The following MAP6 variants were observed in gnomAD, a reference collection of about 807,000 sequenced individuals.
MAP6 encodes microtubule-associated protein 6.
Under a neutral mutation model 42.4 loss-of-function variants are expected in MAP6, and 26 were observed. The observed-to-expected ratio is 0.61, with a 90% CI of 0.45 to 0.85. The LOEUF is 0.85. Ranked by LOEUF, MAP6 falls within the 40% of genes least tolerant of loss-of-function variation. The probability of loss-of-function intolerance (pLI) is 0.00; values close to 1 mark genes in which losing one functional copy is unlikely to be tolerated. For synonymous variants in MAP6, 418 were observed against 443.8 expected, an observed-to-expected ratio of 0.94 and a Z score of 0.73; for missense variants, 966 against 1,099.0, an observed-to-expected ratio of 0.88 and a Z score of 1.71.
intron 3 of MAP6, chr11:75,604,674 T>C: frequency 1.0e-6 from 1 of 985,372 alleles, no homozygotes; most frequent in East Asian, 1.1e-4. Context: ...CTTGCCACCC[T>C]TGGGGGCTTT....
intron 1 of MAP6, among the ~76,000 whole-genome samples, chr11:75,621,847 A>C (rs1367087785): frequency 6.6e-6 from 1 of 152,112 alleles, no homozygotes; most frequent in Non-Finnish European, 1.5e-5. Context: ...ACACGGGGAA[A>C]CCTCGTCTCT....
chr11:75,622,478 T>C lies in MAP6; in HGVS notation c.906-14156A>G, dbSNP rs1328980905. Among the ~76,000 whole-genome samples, 10 of 152,254 alleles carry C rather than the reference T, an allele frequency of 6.6e-5. No homozygotes were observed. In the East Asian group the frequency reaches 7.7e-4, roughly 12 times the overall value. On this transcript the variant is annotated intron_variant, in intron 1 of 3. Coordinates refer to ENST00000304771, the MANE Select transcript of MAP6 (RefSeq NM_033063.2). ...AACTACATAATGCTGCTGAGAGAGA[T>C]TGAAGAAATATTATAAATAAAGAGA...
At chr11:75,598,334 A>T (rs1478895174) in intron 3 of MAP6, among the ~76,000 whole-genome samples, 1 of 152,184 alleles carries the variant, frequency 6.6e-6, no homozygotes, top group East Asian at 1.9e-4. Flanking sequence ...CATGCCTGTG[A>T]AATGTGTGGT....
rs1318532049 is a variant in MAP6, at chr11:75,587,488, A to T, written c.2013T>A (p.Asn671Lys). 3 of 1,614,094 alleles carry T rather than the reference A, an allele frequency of 1.9e-6. No homozygotes were observed. The highest frequency in any genetic ancestry group is 1.7e-6 in the Non-Finnish European group (2 of 1,180,006). The part of the protein sequence containing the change: ...QGSMVSEPVK[N>K]QGLVVSGPVK... ...CTGGCCCTGAGACCACTAAACCTTG[A>T]TTCTTTACAGGCTCAGAGACCATGG... The change falls in exon 4 of 4, where the codon AAT (asparagine) becomes AAA (lysine). Residue 671 changes from asparagine to lysine, a missense_variant. Asn to Lys is a moderately conservative substitution (Grantham distance 94). This residue lies in a region of MAP6 where 943 missense variants were observed against 1,049.9 expected (regional missense o/e 0.90). Transcript: ENST00000304771.
chr11:75,596,712 C>G (rs1240822709), intron 3 of MAP6: 2 of 152,400 alleles, frequency 1.3e-5, no homozygotes, highest in African/African-American at 4.8e-5. Flanking sequence ...GCTCATCACA[C>G]AGAAACACCA....
At chr11:75,624,857 T>C (rs1943170016) in intron 1 of MAP6, among the ~76,000 whole-genome samples, 1 of 152,188 alleles carries the variant, frequency 6.6e-6, no homozygotes, top group South Asian at 2.1e-4. Context: ...CAGCAGGTGC[T>C]CAGCCTACAT....
chr11:75,635,922 T>C (rs934064183), intron 1 of MAP6: 2 of 152,220 alleles, frequency 1.3e-5, no homozygotes, highest in African/African-American at 2.4e-5. Flanking sequence ...AAAACCTCTT[T>C]ACCCAAGTGT....
intron 1 of MAP6, among the ~76,000 whole-genome samples, chr11:75,626,786 T>C (rs769591167): frequency 2.0e-5 from 3 of 152,168 alleles, no homozygotes; most frequent in Admixed American, 6.5e-5. Context: ...GTTACTCATC[T>C]AGGGCCTCAG....
chr11:75,630,808 T>C (rs12275991), intron 1 of MAP6, among the ~76,000 whole-genome samples: 1 of 152,232 alleles, frequency 6.6e-6, no homozygotes, highest in African/African-American at 2.4e-5. Context: ...TAAAAGGTAA[T>C]GATTCAAGTG....
Position 75,667,914 on chromosome 11 carries a change from G to T in MAP6, c.456C>A (p.Arg152=). 1 of 1,416,788 alleles carries T rather than the reference G, an allele frequency of 7.1e-7. No individual in the cohort carries two copies. The allele number at this position is 1,416,788 out of a possible 1,614,324, so 87.8% of individuals were successfully genotyped here. The change falls in exon 1 of 4, where the codon CGC becomes CGA. Residue 152 remains arginine, a synonymous_variant. Coordinates refer to ENST00000304771, the MANE Select transcript of MAP6 (RefSeq NM_033063.2). This position sits in a 1 kb window ranked among gnomAD's most constrained non-coding sequence, Gnocchi z 5.6. The stretch of plus-strand genomic sequence containing the variant: ...GGAAGTCCTTCTGGTACTGGGTCTC[G>T]CGCTCGAAGGGAGCGTCGGAGGGCT... ...EYQPSDAPFE[R]ETQYQKDFRA... is the part of the protein sequence containing the mutation.
rs755430147 is a variant in MAP6, at chr11:75,608,116, G to C, written c.1112C>G (p.Pro371Arg). The C allele has an allele frequency of 1.9e-6, 3 of 1,613,686 alleles. No individual in the cohort carries two copies. The highest frequency in any genetic ancestry group is 1.7e-5 in the Admixed American group (1 of 60,028). Residue 371 changes from proline to arginine, a missense_variant, in exon 2 of 4, where the codon CCC becomes CGC. This residue lies in a region of MAP6 where 943 missense variants were observed against 1,049.9 expected (regional missense o/e 0.90). Transcript: ENST00000304771. ...CCACAAGGTCTGTCTCACCTTTGGG[G>C]GTTCCTTGAAGGGTTCGCTGTAGAG... Reference protein sequence around the residue: ...RSLYSEPFKEPPKVEKPSVQS... With the variant: ...RSLYSEPFKERPKVEKPSVQS...
intron 1 of MAP6, among the ~76,000 whole-genome samples, chr11:75,619,363 A>G (rs533957572): frequency 6.6e-6 from 1 of 152,054 alleles, no homozygotes; most frequent in South Asian, 2.1e-4. Context: ...TATCTTTTTT[A>G]TTTGTTATTT....
In MAP6 at chr11:75,587,092, G is replaced by A. The variant is rs774524823; in HGVS notation, c.2409C>T (p.Ala803=). ...SPLPRVMIPT[A]PHTEYIESSP ...AGCTCTCAATGTATTCCGTATGGGG[G>A]GCAGTTGGGATCATGACTCGGGGTA... Residue 803 remains alanine, a synonymous_variant, in exon 4 of 4, where the codon GCC becomes GCT. Transcript: ENST00000304771. 1 of 1,606,276 alleles carries A rather than the reference G, an allele frequency of 6.2e-7. No homozygotes were observed. Among genetic ancestry groups the A allele is most frequent in the Non-Finnish European group, 8.5e-7 (1 of 1,174,502 alleles).
chr11:75,640,774 C>T (rs893229893), intron 1 of MAP6, among the ~76,000 whole-genome samples: 2 of 152,128 alleles, frequency 1.3e-5, no homozygotes, highest in African/African-American at 2.4e-5. Context: ...CAAATCAAAA[C>T]CGCAATGAGA....
chr11:75,631,279 C>T (rs1057272295), intron 1 of MAP6, among the ~76,000 whole-genome samples: 1 of 152,170 alleles, frequency 6.6e-6, no homozygotes, highest in Non-Finnish European at 1.5e-5. Context: ...TGAGAAAGGG[C>T]TTATGTTTGG....
chr11:75,607,979 G>A, intron 2 of MAP6, 130 bp downstream of exon 2: 1 of 807,242 alleles, frequency 1.2e-6, no homozygotes, highest in East Asian at 2.6e-5. Flanking sequence ...GTGTGCTTTA[G>A]AGGAAGCAGG....
chr11:75,667,722 C>A lies in MAP6; in HGVS notation c.648G>T (p.Glu216Asp). The A allele has an allele frequency of 7.7e-7, 1 of 1,293,466 alleles. No individual in the cohort carries two copies. Among genetic ancestry groups the A allele is most frequent in the Non-Finnish European group, 9.8e-7 (1 of 1,023,766 alleles). The allele number at this position is 1,293,466 out of a possible 1,614,324, so 80.1% of individuals were successfully genotyped here. A position where few individuals can be genotyped will look rare whatever the true frequency, so the allele number is the denominator to read the frequency against. Residue 216 changes from glutamate to aspartate, a missense_variant, in exon 1 of 4, where the codon GAG (glutamate) becomes GAT (aspartate). Physicochemically the swap from Glu to Asp is conservative, Grantham distance 45. Transcript: ENST00000304771. The surrounding 1 kb of genome is among the most constrained non-coding windows in gnomAD (Gnocchi z 5.6). The stretch of plus-strand genomic sequence containing the variant: ...GGCCACCCGCTCCGCCGGGGGCCGC[C>A]TCCTGCTCCCGGGCCTCAGCGGCGG... ...VQAAAEAREQ[E>D]AAPGGAGGLA...
At chr11:75,638,498 G>A (rs950024206) in intron 1 of MAP6, 9 of 152,210 alleles carry the variant, frequency 5.9e-5, no homozygotes, top group East Asian at 1.9e-4. Flanking sequence ...GGGGAGAAAC[G>A]ATCCACTTAC....
chr11:75,632,650 G>C (rs1943302626), intron 1 of MAP6, among the ~76,000 whole-genome samples: 1 of 152,194 alleles, frequency 6.6e-6, no homozygotes, highest in Non-Finnish European at 1.5e-5. Context: ...CATAACCTCA[G>C]ATAAAGGGTA....
Sources: allele counts gnomAD v4.1 joint callset (sites outside exome capture counted in the v4.1 genomes callset), GRCh38; gene constraint gnomAD v4.1.1; regional missense constraint gnomAD v4.1.1; non-coding constraint Gnocchi (gnomAD v3.1); transcripts MANE v1.5; gene names NCBI Gene and HGNC (gene_info 2026-07-23, HGNC 2026-07-21).